Variants in SPATA13 observed in about 807,000 individuals in gnomAD.
SPATA13 encodes the protein spermatogenesis-associated protein 13.
In SPATA13, 50 loss-of-function variants were observed where a neutral mutation model predicts 104.0. That is an observed-to-expected ratio of 0.48 (90% confidence interval 0.38 to 0.61). The LOEUF is 0.61. Among genes scored for constraint, SPATA13 ranks in the 20% least tolerant of loss-of-function variants. The pLI, the probability that SPATA13 is intolerant of heterozygous loss-of-function variation, is 0.00. For synonymous variants in SPATA13, 606 were observed against 667.5 expected (o/e 0.91, Z 1.42); for missense variants, 1,524 against 1,690.6 (o/e 0.90, Z 1.73).
intron 3 of SPATA13, among the ~76,000 whole-genome samples, chr13:24,070,101 A>G (rs1404985577): frequency 2.6e-5 from 4 of 152,234 alleles, no homozygotes; most frequent in African/African-American, 9.6e-5. Flanking sequence ...GGTGTTTCAC[A>G]TACTGACTGC....
chr13:24,175,521 A>G (rs1437598206), intron 1 of SPATA13, among the ~76,000 whole-genome samples: 3 of 152,220 alleles, frequency 2.0e-5, no homozygotes, highest in Non-Finnish European at 4.4e-5. Context: ...GAGTCCAGAC[A>G]GCTAAACTTG....
intron 2 of SPATA13, among the ~76,000 whole-genome samples, chr13:24,226,038 A>G (rs1871916715): frequency 6.6e-6 from 1 of 152,196 alleles, no homozygotes; most frequent in South Asian, 2.1e-4. Flanking sequence ...CTCTGCAGGC[A>G]GGTAGTCCCA....
rs1339108984 is a variant in SPATA13 at position 24,286,606 on chromosome 13, G to T, written c.2482-159G>T. 1.3e-5 allele frequency among the ~76,000 whole-genome samples: 2 copies of T among 152,114 alleles called. No individual in the cohort carries two copies. Among genetic ancestry groups the T allele is most frequent in the Non-Finnish European group, 2.9e-5 (2 of 68,016 alleles). On this transcript the variant is annotated intron_variant, in intron 6 of 12. Coordinates refer to ENST00000382108, the MANE Select transcript of SPATA13 (RefSeq NM_001166271.3). This position sits in a 1 kb window ranked among gnomAD's most constrained non-coding sequence, Gnocchi z 4.9. ...TTTCTCTGTGGTCCTCGTGCCTGCT[G>T]GCATAGCCGCAGCCCTGCTGAGGCC... is the stretch of plus-strand genomic sequence containing the variant.
chr13:23,988,211 T>G (rs1199471838), intron 2 of SPATA13, among the ~76,000 whole-genome samples: 1 of 152,208 alleles, frequency 6.6e-6, no homozygotes, highest in Non-Finnish European at 1.5e-5. Context: ...CCTCCTGAAG[T>G]GCTGGGATTA....
chr13:24,300,331 G>A, intron 11 of SPATA13, 70 bp from the exon 12 acceptor site: 2 of 1,236,354 alleles, frequency 1.6e-6, no homozygotes. Context: ...GATATGGGCT[G>A]TGATACAAGT....
At chr13:24,004,138 G>T (rs1876110130) in intron 2 of SPATA13, among the ~76,000 whole-genome samples, 2 of 152,108 alleles carry the variant, frequency 1.3e-5, no homozygotes, top group Admixed American at 1.3e-4. Context: ...CTCTGTCTTT[G>T]GTGAAACACG....
rs948777684 is a variant in SPATA13 at position 24,161,436 on chromosome 13, G to C, written c.-112+504G>C. ...TAGTTTAGAAAGCAAGTTTCTCTTG[G>C]TACCAGCGGAGTCTCGTCCCAGGGG... is the stretch of plus-strand genomic sequence containing the variant. On this transcript the variant is annotated intron_variant, in intron 1 of 12. Transcript: ENST00000382108. The surrounding 1 kb of genome is among the most constrained non-coding windows in gnomAD (Gnocchi z 4.5). Among the ~76,000 whole-genome samples, 2 of 152,196 alleles carry C rather than the reference G, an allele frequency of 1.3e-5. No homozygotes were observed. The highest frequency in any genetic ancestry group is 4.8e-5 in the African/African-American group (2 of 41,448).
intron 3 of SPATA13, among the ~76,000 whole-genome samples, chr13:24,083,890 T>C (rs1180122242): frequency 6.6e-6 from 1 of 152,228 alleles, no homozygotes; most frequent in Non-Finnish European, 1.5e-5. Flanking sequence ...ATGCAGGTGC[T>C]CTTCTGACAT....
At chr13:24,047,469 G>A (rs572335221) in intron 3 of SPATA13, among the ~76,000 whole-genome samples, 164 of 152,296 alleles carry the variant, frequency 1.1e-3, no homozygotes, top group Admixed American at 2.7e-3. Context: ...TTTCAGGAAG[G>A]GACTGTTACC....
intron 3 of SPATA13, among the ~76,000 whole-genome samples, chr13:24,087,931 C>T (rs193040267): frequency 1.2e-3 from 176 of 152,366 alleles, no homozygotes; most frequent in African/African-American, 4.0e-3. Flanking sequence ...GCTGCAGCCC[C>T]TGAGGTCAGC....
Position 24,286,479 on chromosome 13 carries a change from C to A in SPATA13, c.2481+86C>A. The A allele has an allele frequency of 7.3e-7, 1 of 1,378,680 alleles. No individual in the cohort carries two copies. Among genetic ancestry groups the A allele is most frequent in the South Asian group, 1.4e-5 (1 of 70,264 alleles). 85.4% of individuals were successfully genotyped at this position (1,378,680 alleles called of 1,614,324 possible). A position where few individuals can be genotyped will look rare whatever the true frequency, so the allele number is the denominator to read the frequency against. On this transcript the variant is annotated intron_variant, in intron 6 of 12. Coordinates refer to ENST00000382108, the MANE Select transcript of SPATA13 (RefSeq NM_001166271.3). The surrounding 1 kb of genome is among the most constrained non-coding windows in gnomAD (Gnocchi z 4.9). Reference sequence around the variant, plus strand: ...GGTCAGAACTCGCCTTTTATCAGGTCAGCTCTTTTGTAATTGATATCTGAC... The same window carrying A: ...GGTCAGAACTCGCCTTTTATCAGGTAAGCTCTTTTGTAATTGATATCTGAC...
intron 12 of SPATA13, 75 bp downstream of exon 12, chr13:24,300,550 G>A (rs1877110773): frequency 7.3e-7 from 1 of 1,378,786 alleles, no homozygotes; most frequent in Admixed American, 1.8e-5. Context: ...ACCCCAAGTT[G>A]TCAGCCTGTG....
At chr13:24,278,866 G>C (rs1392471880) in intron 4 of SPATA13, 1 of 1,454,294 alleles carries the variant, frequency 6.9e-7, no homozygotes, top group Non-Finnish European at 9.1e-7. Flanking sequence ...TCCACATGCT[G>C]TTTTTCTTTC....
Position 24,194,330 on chromosome 13 carries a change from A to G in SPATA13, c.-111-28489A>G, listed in dbSNP as rs186075194. The stretch of plus-strand genomic sequence containing the variant: ...AGAAAAGAAAAGTTAGCGCCGTTCA[A>G]TCATCCTGAGATTGCTCCTTTGCCT... On this transcript the variant is annotated intron_variant, in intron 1 of 12. Transcript: ENST00000382108. Among the ~76,000 whole-genome samples, 86 of 152,354 alleles carry G rather than the reference A, an allele frequency of 5.6e-4. 1 individual carries two copies. The highest frequency in any genetic ancestry group is 1.0e-3 in the South Asian group (5 of 4,832).
intron 2 of SPATA13, among the ~76,000 whole-genome samples, chr13:24,016,033 G>C (rs971633165): frequency 6.6e-6 from 1 of 152,180 alleles, no homozygotes; most frequent in Admixed American, 6.5e-5. Context: ...CTGCAATAGT[G>C]TGAGCCACAG....
rs1381822465 is a variant in SPATA13 at position 24,300,483 on chromosome 13, A to G, written c.3658+8A>G. 3 of 1,613,420 alleles carry G rather than the reference A, an allele frequency of 1.9e-6. No individual in the cohort carries two copies. The highest frequency in any genetic ancestry group is 2.7e-5 in the African/African-American group (2 of 74,924). On this transcript the variant is annotated splice_region_variant and intron_variant, in intron 12 of 12. Transcript: ENST00000382108. ...GACATGGAAAGTCAAAAGGTAAGTT[A>G]TGGAGAAGGCTTTGTCCCCTTAATG... is the stretch of plus-strand genomic sequence containing the variant.
intron 3 of SPATA13, among the ~76,000 whole-genome samples, chr13:24,250,638 A>G (rs532103684): frequency 5.9e-5 from 9 of 152,354 alleles, no homozygotes; most frequent in African/African-American, 1.7e-4. Context: ...ACTGGATTGT[A>G]TACGTCTACA....
chr13:24,300,324 A>G lies in SPATA13; in HGVS notation c.3584-77A>G, dbSNP rs528901319. The G allele has an allele frequency of 1.5e-5, 17 of 1,120,292 alleles. No homozygotes were observed. In the African/African-American group the frequency reaches 2.5e-4, roughly 16 times the overall value. 69.4% of individuals were successfully genotyped at this position (1,120,292 alleles called of 1,614,324 possible). A position where few individuals can be genotyped will look rare whatever the true frequency, so the allele number is the denominator to read the frequency against. Reference sequence around the variant, plus strand: ...TTGTGGTGATAACCTCAATGCTGATATGGGCTGTGATACAAGTTTTGCTCT... The same window carrying G: ...TTGTGGTGATAACCTCAATGCTGATGTGGGCTGTGATACAAGTTTTGCTCT... On this transcript the variant is annotated intron_variant, in intron 11 of 12. Coordinates refer to ENST00000382108, the MANE Select transcript of SPATA13 (RefSeq NM_001166271.3).
At chr13:24,090,471 G>A (rs919074623) in intron 3 of SPATA13, among the ~76,000 whole-genome samples, 3 of 152,090 alleles carry the variant, frequency 2.0e-5, no homozygotes, top group South Asian at 2.1e-4. Context: ...CCTCCTGACC[G>A]TCCCCTCACC....
Sources: allele counts gnomAD v4.1 joint callset (sites outside exome capture counted in the v4.1 genomes callset), GRCh38; gene constraint gnomAD v4.1.1; non-coding constraint Gnocchi (gnomAD v3.1); transcripts MANE v1.5; gene names NCBI Gene and HGNC (gene_info 2026-07-23, HGNC 2026-07-21).